ZFP64: variants seen among roughly 807,000 people sequenced by gnomAD.
The protein encoded by ZFP64 is ZFP64 zinc finger protein, also known as zinc finger protein 64.
ZFP64 carries 14 observed loss-of-function variants against 51.6 expected under a neutral mutation model. The ratio of observed to expected loss-of-function variants is 0.27; its 90% CI spans 0.18 to 0.42. The LOEUF (loss-of-function observed/expected upper bound fraction) is 0.42, where lower values mean the gene tolerates loss of function less well. Ranked by LOEUF, ZFP64 falls within the 10% of genes least tolerant of loss-of-function variation. The probability of loss-of-function intolerance (pLI) is 1.00; values close to 1 mark genes in which losing one functional copy is unlikely to be tolerated. For synonymous variants in ZFP64, 375 were observed against 361.4 expected (o/e 1.04, Z -0.43); for missense variants, 754 against 906.8 (o/e 0.83, Z 2.16).
rs1981580020 is a variant in ZFP64 at position 52,159,308 on chromosome 20, TG to T, written c.763+814del. On this transcript the variant is annotated intron_variant, in intron 5 of 5. Transcript: ENST00000216923. Reference sequence around the variant, plus strand: ...TCTGCTAATTTTGCTGTATGTTTTTTGGTCAAGCTGTTCCATGCTGAACTAG... The same window carrying T: ...TCTGCTAATTTTGCTGTATGTTTTTTGTCAAGCTGTTCCATGCTGAACTAG... Among the ~76,000 whole-genome samples, 5 of 152,386 alleles carry T rather than the reference TG, an allele frequency of 3.3e-5. No homozygotes were observed. In the South Asian group the frequency reaches 1.0e-3, roughly 32 times the overall value.
intron 2 of ZFP64, among the ~76,000 whole-genome samples, chr20:52,175,029 T>G (rs1473458746): frequency 2.0e-5 from 3 of 152,240 alleles, no homozygotes; most frequent in Non-Finnish European, 2.9e-5. Context: ...GTGAACTTCC[T>G]GTTTATTCTA....
chr20:52,114,385 C>T (rs1978756864), intron 5 of ZFP64, among the ~76,000 whole-genome samples: 1 of 152,152 alleles, frequency 6.6e-6, no homozygotes, highest in African/African-American at 2.4e-5. Flanking sequence ...GTATACAGAT[C>T]ACCTGGGGAC....
At chr20:52,111,010 A>AG (rs756625884) in intron 5 of ZFP64, 292 of 1,477,808 alleles carry the variant, frequency 2.0e-4, no homozygotes, top group Non-Finnish European at 2.5e-4. Context: ...GACCGTATCC[A>AG]GGGGAAGGGC....
intron 5 of ZFP64, chr20:52,110,761 C>G: frequency 6.3e-7 from 1 of 1,597,752 alleles, no homozygotes; most frequent in Non-Finnish European, 8.6e-7. Context: ...CTCAAAGTCC[C>G]CCTCCCGGGA....
chr20:52,120,291 C>A (rs1224325642), intron 5 of ZFP64, among the ~76,000 whole-genome samples: 1 of 152,070 alleles, frequency 6.6e-6, no homozygotes, highest in African/African-American at 2.4e-5. Flanking sequence ...TAGAGGGTGT[C>A]TGGGACACCC....
chr20:52,140,858 C>T (rs951759959), intron 5 of ZFP64, among the ~76,000 whole-genome samples: 3 of 152,156 alleles, frequency 2.0e-5, no homozygotes, highest in Non-Finnish European at 4.4e-5. Context: ...CAATGTCTGG[C>T]TTCAAAGCTT....
At chr20:52,146,292 C>T (rs898180408), downstream of ZFP64, among the ~76,000 whole-genome samples, 4 of 152,028 alleles carry the variant, frequency 2.6e-5, no homozygotes, top group African/African-American at 7.2e-5. Flanking sequence ...ATGTTTATTG[C>T]GGCACTATTC....
rs568381070 is a variant in ZFP64, at chr20:52,153,124, G to A, written c.1068C>T (p.Ala356=). The A allele has an allele frequency of 6.2e-7, 1 of 1,614,204 alleles. No individual in the cohort carries two copies. Among genetic ancestry groups the A allele is most frequent in the Non-Finnish European group, 8.5e-7 (1 of 1,180,036 alleles). Reference sequence around the variant, plus strand: ...GGATACGCTCGTGGATGCGCAGGGCGGCCTTGCTGGAGCAGGAGTAGCTGC... The same window carrying A: ...GGATACGCTCGTGGATGCGCAGGGCAGCCTTGCTGGAGCAGGAGTAGCTGC... The part of the protein sequence containing the change: ...SECSYSCSSK[A]ALRIHERIHC... Residue 356 remains alanine (A), a synonymous_variant, in exon 6 of 6, where the codon GCC becomes GCT. Transcript: ENST00000216923. This position sits in a 1 kb window ranked among gnomAD's most constrained non-coding sequence, Gnocchi z 5.1.
In ZFP64 at chr20:52,152,800, C is replaced by G; in HGVS notation, c.1392G>C (p.Gln464His). 6.2e-6 allele frequency: 10 copies of G among 1,610,916 alleles called. No homozygotes were observed. The highest frequency in any genetic ancestry group is 8.5e-6 in the Non-Finnish European group (10 of 1,177,424). Reference sequence around the variant, plus strand: ...TGGCGGGCTGCTTGCTGGGGTCGATCTGAAACTGGAGAACGGTCACGTCCG... The same window carrying G: ...TGGCGGGCTGCTTGCTGGGGTCGATGTGAAACTGGAGAACGGTCACGTCCG... ...KNSDVTVLQF[Q>H]IDPSKQPATP... The change falls in exon 6 of 6, where the codon CAG (glutamine) becomes CAC (histidine). Residue 464 changes from glutamine to histidine, a missense_variant. Physicochemically the swap from Gln to His is conservative, Grantham distance 24. Transcript: ENST00000216923.
rs752823634 is a variant in ZFP64 at position 52,191,637 on chromosome 20, G to C, written c.-1C>G. 3.1e-6 allele frequency: 5 copies of C among 1,588,208 alleles called. No individual in the cohort carries two copies. The South Asian group carries it at 5.7e-5, about 18-fold the overall frequency. On this transcript the variant is annotated 5_prime_UTR_variant, in exon 1 of 6. Transcript: ENST00000216923. The surrounding 1 kb of genome is among the most constrained non-coding windows in gnomAD (Gnocchi z 4.3). ...TCTCGCCCTCGCTGCTCGCGTTCAT[G>C]GCCGCAGACTGGGAGGTCCCCGGCC...
chr20:52,138,226 G>A (rs1248226438), intron 5 of ZFP64, among the ~76,000 whole-genome samples: 8 of 151,338 alleles, frequency 5.3e-5, no homozygotes, highest in Admixed American at 5.3e-4. Context: ...ACAAAAAATT[G>A]GAATGTAACT....
chr20:52,159,739 C>T (rs1348168228), intron 5 of ZFP64, among the ~76,000 whole-genome samples: 1 of 152,102 alleles, frequency 6.6e-6, no homozygotes, highest in Non-Finnish European at 1.5e-5. Flanking sequence ...GTAATCCCAG[C>T]ACTTTGGGAG....
chr20:52,104,802 C>T (rs756612432), intron 5 of ZFP64: 40 of 595,288 alleles, frequency 6.7e-5, no homozygotes, highest in African/African-American at 3.7e-5. Flanking sequence ...CCAAGGAGGC[C>T]GGAGACTCGG....
intron 5 of ZFP64, among the ~76,000 whole-genome samples, chr20:52,101,241 ACTAT>A (rs2079046838): frequency 6.6e-6 from 1 of 152,138 alleles, no homozygotes. Context: ...TAATCCTGAT[ACTAT>A]CTGTGTCACA....
At chr20:52,126,193 C>T (rs181384169) in intron 5 of ZFP64, among the ~76,000 whole-genome samples, 53 of 152,270 alleles carry the variant, frequency 3.5e-4, no homozygotes, top group Non-Finnish European at 6.0e-4. Context: ...CCAGCGTGCC[C>T]GGCCCACAAC....
At chr20:52,140,489 T>C (rs991373832) in intron 5 of ZFP64, among the ~76,000 whole-genome samples, 1 of 152,226 alleles carries the variant, frequency 6.6e-6, no homozygotes, top group Non-Finnish European at 1.5e-5. Context: ...GTGGTCTGAA[T>C]AGATCAAACC....
chr20:52,122,291 G>A (rs1820718224), intron 5 of ZFP64, among the ~76,000 whole-genome samples: 1 of 152,078 alleles, frequency 6.6e-6, no homozygotes, highest in Admixed American at 6.6e-5. Context: ...TGGATCACGA[G>A]GTCAGGAGAT....
intron 5 of ZFP64, among the ~76,000 whole-genome samples, chr20:52,142,839 C>CAAAAAAAA (rs386393987): frequency 1.8e-4 from 10 of 55,050 alleles, no homozygotes; most frequent in Admixed American, 2.7e-4. Context: ...GACTCCATCT[C>CAAAAAAAA]AAAAAAAAAA....
At chr20:52,123,217 A>G (rs1979281486) in intron 5 of ZFP64, among the ~76,000 whole-genome samples, 1 of 152,106 alleles carries the variant, frequency 6.6e-6, no homozygotes, top group East Asian at 1.9e-4. Flanking sequence ...CATGTTCGCC[A>G]TGTTACCCAG....
Sources: gnomAD v4.1 joint callset for allele counts (sites outside exome capture counted in the v4.1 genomes callset) on GRCh38, gnomAD v4.1.1 for gene constraint, Gnocchi (gnomAD v3.1) non-coding constraint, MANE v1.5 for transcripts, NCBI Gene and HGNC (gene_info 2026-07-23, HGNC 2026-07-21) for gene names.